MAF: variants seen among roughly 807,000 people sequenced by gnomAD.
MAF encodes transcription factor Maf.
A neutral mutation model predicts 22.0 loss-of-function variants in MAF; 10 were observed. The observed-to-expected ratio is 0.45, with a 90% CI of 0.28 to 0.77. The LOEUF (loss-of-function observed/expected upper bound fraction) is 0.77, where lower values mean the gene tolerates loss of function less well. MAF is among the 30% of genes least tolerant of loss of function. The pLI, the probability that MAF is intolerant of heterozygous loss-of-function variation, is 0.12. For synonymous variants in MAF, 337 were observed against 255.8 expected, an observed-to-expected ratio of 1.32 and a Z score of -3.03; for missense variants, 544 against 548.4, an observed-to-expected ratio of 0.99 and a Z score of 0.08.
chr16:79,588,131 C>G (rs1814522089), intron 1 of MAF, among the ~76,000 whole-genome samples: 1 of 152,172 alleles, frequency 6.6e-6, no homozygotes, highest in South Asian at 2.1e-4. Flanking sequence ...CAGGAGCATG[C>G]ACTGATATTC....
At chr16:79,286,217 T>C in the MAF span, among the ~76,000 whole-genome samples, 1 of 152,246 alleles carries the variant, frequency 6.6e-6, no homozygotes, top group Non-Finnish European at 1.5e-5. Context: ...AAAAACCGTT[T>C]AGAATTTACA....
At chr16:79,340,391 T>A in the MAF span, among the ~76,000 whole-genome samples, 1 of 151,200 alleles carries the variant, frequency 6.6e-6, no homozygotes, top group Non-Finnish European at 1.5e-5. Flanking sequence ...ACCTACTTTA[T>A]TCTCTGCTAT....
At chr16:79,206,742 T>C in the MAF span, 10 of 152,240 alleles carry the variant, frequency 6.6e-5, no homozygotes, top group African/African-American at 2.2e-4. Context: ...AATTGAATTG[T>C]ATAATTTCAT....
At chr16:79,264,468 C>G in the MAF span, 1 of 152,158 alleles carries the variant, frequency 6.6e-6, no homozygotes, top group Non-Finnish European at 1.5e-5. Flanking sequence ...ATGGCCATAC[C>G]ATTCTGAATG....
intron 1 of MAF, 37 bp from the exon 2 acceptor site, chr16:79,594,590 G>A: frequency 1.9e-6 from 3 of 1,551,560 alleles, no homozygotes; most frequent in Non-Finnish European, 2.6e-6. Flanking sequence ...ACACTATTTA[G>A]ACAAAGATCA....
the MAF span, among the ~76,000 whole-genome samples, chr16:79,285,500 G>A: frequency 6.6e-6 from 1 of 152,278 alleles, no homozygotes; most frequent in East Asian, 1.9e-4. Flanking sequence ...AGTCCCCTAG[G>A]TGTGGGGAGC....
the MAF span, among the ~76,000 whole-genome samples, chr16:79,425,768 G>A: frequency 1.3e-4 from 20 of 150,454 alleles, no homozygotes; most frequent in East Asian, 3.5e-3. Flanking sequence ...TTCCAATCCT[G>A]TGGGCTGCAG....
At chr16:79,277,764 G>A in the MAF span, among the ~76,000 whole-genome samples, 12 of 152,186 alleles carry the variant, frequency 7.9e-5, no homozygotes, top group Admixed American at 2.0e-4. Context: ...CAACTTTTCT[G>A]TAATAACGCC....
chr16:79,401,908 T>A, the MAF span, among the ~76,000 whole-genome samples: 1 of 152,184 alleles, frequency 6.6e-6, no homozygotes, highest in Non-Finnish European at 1.5e-5. Context: ...CGCATGCCCC[T>A]GCCATCAGTC....
chr16:79,497,820 G>C, the MAF span, among the ~76,000 whole-genome samples: 1 of 152,240 alleles, frequency 6.6e-6, no homozygotes, highest in Non-Finnish European at 1.5e-5. Flanking sequence ...ATGAGAGAAA[G>C]CTCAGACTGT....
the MAF span, among the ~76,000 whole-genome samples, chr16:79,427,919 T>G: frequency 6.6e-6 from 1 of 151,716 alleles, no homozygotes; most frequent in African/African-American, 2.4e-5. Flanking sequence ...AGATACAAAA[T>G]GAATAAATGA....
chr16:79,452,420 G>A, the MAF span, among the ~76,000 whole-genome samples: 1 of 152,136 alleles, frequency 6.6e-6, no homozygotes, highest in Non-Finnish European at 1.5e-5. Flanking sequence ...CTGATAAACT[G>A]TTAGTAAGGA....
the MAF span, among the ~76,000 whole-genome samples, chr16:79,494,085 G>C: frequency 2.0e-5 from 3 of 152,080 alleles, no homozygotes; most frequent in East Asian, 1.9e-4. Flanking sequence ...GCCTAGCCAG[G>C]AATCCAGAGC....
chr16:79,234,594 C>A, the MAF span, among the ~76,000 whole-genome samples: 1 of 152,090 alleles, frequency 6.6e-6, no homozygotes, highest in Non-Finnish European at 1.5e-5. Context: ...GGCTTCAGGA[C>A]CTCCCAAAGA....
At chr16:79,268,224 C>A in the MAF span, among the ~76,000 whole-genome samples, 110 of 152,274 alleles carry the variant, frequency 7.2e-4, no homozygotes, top group African/African-American at 2.5e-3. Flanking sequence ...CCCTCTCCCC[C>A]ACAAACACCG....
the MAF span, among the ~76,000 whole-genome samples, chr16:79,512,888 G>C: frequency 6.6e-6 from 1 of 152,190 alleles, no homozygotes; most frequent in Non-Finnish European, 1.5e-5. Flanking sequence ...CACACGTGCT[G>C]TATACCTGTA....
At chr16:79,359,009 G>A in the MAF span, among the ~76,000 whole-genome samples, 2 of 152,306 alleles carry the variant, frequency 1.3e-5, no homozygotes, top group Admixed American at 6.5e-5. Flanking sequence ...TCCACAAAAT[G>A]CATATTTTTC....
the MAF span, among the ~76,000 whole-genome samples, chr16:79,580,391 A>G: frequency 1.3e-5 from 2 of 152,238 alleles, no homozygotes; most frequent in Non-Finnish European, 2.9e-5. Context: ...GCACATGCTG[A>G]CTAGAATGCC....
the MAF span, among the ~76,000 whole-genome samples, chr16:79,364,863 C>A: frequency 2.4e-4 from 37 of 152,280 alleles, no homozygotes; most frequent in African/African-American, 8.7e-4. Flanking sequence ...AATACACTTG[C>A]TAAAAGATAA....
Sources: allele counts gnomAD v4.1 joint callset (sites outside exome capture counted in the v4.1 genomes callset), GRCh38; gene constraint gnomAD v4.1.1; transcripts MANE v1.5; gene names NCBI Gene and HGNC (gene_info 2026-07-23, HGNC 2026-07-21).